Variants in GLI3 observed in about 807,000 individuals in gnomAD.
GLI3 encodes GLI family zinc finger 3, also known as transcription activator GLI3.
A neutral mutation model predicts 100.8 loss-of-function variants in GLI3; 20 were observed. The ratio of observed to expected loss-of-function variants is 0.20; its 90% CI spans 0.14 to 0.29. The LOEUF is 0.29. Ranked by LOEUF, GLI3 falls within the 10% of genes least tolerant of loss-of-function variation. GLI3 has a pLI of 1.00. For missense variants in GLI3, 2,040 were observed against 2,128.5 expected (o/e 0.96, Z 0.82); for synonymous variants, 938 against 860.5 (o/e 1.09, Z -1.58).
chr7:42,172,943 A>C (rs1787405819), intron 2 of GLI3, among the ~76,000 whole-genome samples: 1 of 152,242 alleles, frequency 6.6e-6, no homozygotes, highest in South Asian at 2.1e-4. Context: ...GGGAAGCAGC[A>C]GTCAGAAGGA....
At chr7:42,170,266 T>TTA (rs148558582) in intron 2 of GLI3, among the ~76,000 whole-genome samples, 2,481 of 137,598 alleles carry the variant, frequency 0.018, 56 homozygotes, top group East Asian at 0.09. Flanking sequence ...AAAAAAAAAA[T>TTA]TATATATATA....
chr7:42,158,162 TAAC>T (rs1787047581), intron 2 of GLI3, among the ~76,000 whole-genome samples: 1 of 152,228 alleles, frequency 6.6e-6, no homozygotes, highest in East Asian at 1.9e-4. Flanking sequence ...GGAAATGCGT[TAAC>T]AACACTAGAC....
chr7:42,099,906 C>T (rs1015410449), intron 3 of GLI3, among the ~76,000 whole-genome samples: 4 of 152,270 alleles, frequency 2.6e-5, no homozygotes, highest in African/African-American at 9.6e-5. Flanking sequence ...ACAGCATGCA[C>T]ATGCCAAAGT....
chr7:42,040,175 T>C lies in GLI3; in HGVS notation c.891A>G (p.Ser297=). ...GGTCAAAGCTATGATCGGAGAGTGG[T>C]GATATGGACAGTGTACGTTTTCGGC... ...RPSRKRTLSI[S]PLSDHSFDLQ... Residue 297 remains serine (S), a synonymous_variant, in exon 7 of 15, where the codon TCA becomes TCG. Transcript: ENST00000395925. The C allele has an allele frequency of 6.2e-7, 1 of 1,613,896 alleles. No homozygotes were observed. The highest frequency in any genetic ancestry group is 8.5e-7 in the Non-Finnish European group (1 of 1,179,814).
Position 41,963,961 on chromosome 7 carries a change from CA to C in GLI3, c.*368del, listed in dbSNP as rs1449914603. The stretch of plus-strand genomic sequence containing the variant: ...AACTCCTATTTCCTTTGAGCAACAG[CA>C]AAACATGTCAAATCCTTTAATTTGA... On this transcript the variant is annotated 3_prime_UTR_variant, in exon 15 of 15. Coordinates refer to ENST00000395925, the MANE Select transcript of GLI3 (RefSeq NM_000168.6). The C allele has an allele frequency of 5.0e-6, 1 of 198,686 alleles. No homozygotes were observed. The highest frequency in any genetic ancestry group is 1.0e-5 in the Non-Finnish European group (1 of 96,414). The allele number at this position is 198,686 out of a possible 1,614,324, so 12.3% of individuals were successfully genotyped here. A position where few individuals can be genotyped will look rare whatever the true frequency, so the allele number is the denominator to read the frequency against.
chr7:42,088,618 C>T (rs1785153267), intron 3 of GLI3, among the ~76,000 whole-genome samples: 1 of 152,222 alleles, frequency 6.6e-6, no homozygotes, highest in Admixed American at 6.5e-5. Flanking sequence ...GCAGAGGCCA[C>T]TCATTGCCCA....
At chr7:41,976,717 A>G (rs1787523206) in intron 12 of GLI3, among the ~76,000 whole-genome samples, 1 of 152,172 alleles carries the variant, frequency 6.6e-6, no homozygotes, top group Non-Finnish European at 1.5e-5. Context: ...TAGCTATCCT[A>G]TTTCCACTCA....
chr7:41,967,486 C>T (rs563265903), intron 14 of GLI3, 110 bp downstream of exon 14: 7 of 788,628 alleles, frequency 8.9e-6, no homozygotes, highest in South Asian at 3.2e-5. Flanking sequence ...ATGGTTACAG[C>T]GTCATTTTAG....
Position 41,965,734 on chromosome 7 carries a change from G to C in GLI3, c.3339C>G (p.Pro1113=), listed in dbSNP as rs755313334. The change falls in exon 15 of 15, where the codon CCC becomes CCG. Residue 1113 remains proline, a synonymous_variant. Transcript: ENST00000395925. ...QNQAGYEQHF[P]SALPDDSKVP... is the part of the protein sequence containing the mutation. ...CTTTGCTGTCGTCCGGGAGGGCGCT[G>C]GGGAAGTGCTGCTCGTACCCTGCTT... 3 of 1,613,580 alleles carry C rather than the reference G, an allele frequency of 1.9e-6. 1 individual carries two copies. The South Asian group carries it at 3.3e-5, about 18-fold the overall frequency.
At chr7:42,201,908 C>T (rs1361483574) in intron 2 of GLI3, among the ~76,000 whole-genome samples, 1 of 151,890 alleles carries the variant, frequency 6.6e-6, no homozygotes, top group African/African-American at 2.4e-5. Context: ...ATAGTGAAAC[C>T]CTGTCTCTAC....
intron 7 of GLI3, among the ~76,000 whole-genome samples, chr7:42,037,082 A>G (rs1031995463): frequency 1.7e-4 from 26 of 152,172 alleles, no homozygotes; most frequent in African/African-American, 6.0e-4. Context: ...CAGAGGTTAC[A>G]GTGAGCCGAG....
chr7:42,240,338 G>A (rs74519776), upstream of GLI3, among the ~76,000 whole-genome samples: 1,366 of 152,306 alleles, frequency 9.0e-3, 16 homozygotes, highest in African/African-American at 0.031. Flanking sequence ...GGAGATACTT[G>A]AAGATACTTG....
Position 42,141,058 on chromosome 7 carries a change from G to A in GLI3, c.367+7168C>T, listed in dbSNP as rs978658518. Reference sequence around the variant, plus strand: ...AATTACATGGAATCTTTAAGCAACTGGATTCATGATCCTGAACTGAGTTGC... The same window carrying A: ...AATTACATGGAATCTTTAAGCAACTAGATTCATGATCCTGAACTGAGTTGC... On this transcript the variant is annotated intron_variant, in intron 3 of 14. Transcript: ENST00000395925. 2.6e-5 allele frequency among the ~76,000 whole-genome samples: 4 copies of A among 152,136 alleles called. No homozygotes were observed. In the South Asian group the frequency reaches 8.3e-4, roughly 32 times the overall value.
chr7:42,128,702 C>G (rs1786195515), intron 3 of GLI3, among the ~76,000 whole-genome samples: 1 of 152,180 alleles, frequency 6.6e-6, no homozygotes, highest in South Asian at 2.1e-4. Context: ...TCAGACAGCC[C>G]ATGAGCCGTC....
At chr7:42,175,777 CTAACAG>C (rs1787468593) in intron 2 of GLI3, among the ~76,000 whole-genome samples, 2 of 152,184 alleles carry the variant, frequency 1.3e-5, no homozygotes, top group South Asian at 2.1e-4. Flanking sequence ...TATAATAACA[CTAACAG>C]TAACAACTAC....
upstream of GLI3, among the ~76,000 whole-genome samples, chr7:42,240,354 G>C (rs575894248): frequency 6.6e-6 from 1 of 152,164 alleles, no homozygotes; most frequent in Admixed American, 6.5e-5. Context: ...ACTTGCATTT[G>C]TTTTCTAGGG....
intron 2 of GLI3, among the ~76,000 whole-genome samples, chr7:42,210,351 C>A (rs145904822): frequency 1.1e-3 from 92 of 81,058 alleles, no homozygotes; most frequent in Non-Finnish European, 1.4e-3. Flanking sequence ...CCCCCCCCCC[C>A]CCCAAGTTAA....
chr7:42,238,019 C>T (rs1235477722), upstream of GLI3: 3 of 146,410 alleles, frequency 2.0e-5, no homozygotes, highest in Admixed American at 6.9e-5. Context: ...TCCTCCTCCT[C>T]CTCCTTCTCC....
At chr7:42,160,478 T>C (rs891089993) in intron 2 of GLI3, among the ~76,000 whole-genome samples, 1 of 152,196 alleles carries the variant, frequency 6.6e-6, no homozygotes, top group African/African-American at 2.4e-5. Context: ...CGGCATACAA[T>C]ATTTCTAATA....
Sources: gnomAD v4.1 joint callset for allele counts (sites outside exome capture counted in the v4.1 genomes callset) on GRCh38, gnomAD v4.1.1 for gene constraint, MANE v1.5 for transcripts, NCBI Gene and HGNC (gene_info 2026-07-23, HGNC 2026-07-21) for gene names.